CCAR1: variants seen among roughly 807,000 people sequenced by gnomAD.
CCAR1 encodes the protein cell division cycle and apoptosis regulator 1, also known as cell division cycle and apoptosis regulator protein 1.
A neutral mutation model predicts 163.8 loss-of-function variants in CCAR1; 78 were observed. That is an observed-to-expected ratio of 0.48 (90% CI 0.40 to 0.57). CCAR1 has a LOEUF of 0.57. Among genes scored for constraint, CCAR1 ranks in the 20% least tolerant of loss-of-function variants. CCAR1 has a pLI of 0.00. For synonymous variants in CCAR1, 443 were observed against 460.7 expected (o/e 0.96, Z 0.49); for missense variants, 1,019 against 1,365.2 (o/e 0.75, Z 4.00).
intron 10 of CCAR1, among the ~76,000 whole-genome samples, chr10:68,752,373 A>C (rs1305390152): frequency 2.0e-5 from 3 of 152,182 alleles, no homozygotes; most frequent in Non-Finnish European, 4.4e-5. Flanking sequence ...CTTCGTGCCC[A>C]TGAAATGATT....
rs369911832 is a variant in CCAR1 at position 68,755,563 on chromosome 10, G to T, written c.1625+27G>T. The T allele has an allele frequency of 5.5e-5, 88 of 1,586,770 alleles. No individual in the cohort carries two copies. The Admixed American group carries it at 5.7e-4, about 10-fold the overall frequency. ...TAAGTACTAATTCATTTCTTGATTA[G>T]AAGTGTTTTACTGATAGTTTATGTA... is the stretch of plus-strand genomic sequence containing the variant. On this transcript the variant is annotated intron_variant, in intron 13 of 24. Transcript: ENST00000265872.
intron 19 of CCAR1, among the ~76,000 whole-genome samples, chr10:68,773,463 G>A (rs1452720759): frequency 6.6e-6 from 1 of 152,076 alleles, no homozygotes; most frequent in Non-Finnish European, 1.5e-5. Flanking sequence ...AGAGTTCCAA[G>A]TCCAGCCTTG....
At chr10:68,786,089 G>T (rs1241799465) in intron 19 of CCAR1, 47 bp from the exon 20 acceptor site, 2 of 1,270,970 alleles carry the variant, frequency 1.6e-6, no homozygotes. Flanking sequence ...CCACTTGAAA[G>T]TATGTGTATT....
At chr10:68,757,909 T>A (rs2056415937) in intron 15 of CCAR1, among the ~76,000 whole-genome samples, 1 of 151,840 alleles carries the variant, frequency 6.6e-6, no homozygotes, top group African/African-American at 2.4e-5. Flanking sequence ...CCCGGCTAAT[T>A]GTTTTGTATT....
At position 68,756,251 on chromosome 10, in the gene CCAR1, C is replaced by T. The variant is rs1275062978; in HGVS notation, c.1626-22C>T. The T allele has an allele frequency of 1.3e-6, 2 of 1,589,218 alleles. No homozygotes were observed. Among genetic ancestry groups the T allele is most frequent in the East Asian group, 2.2e-5 (1 of 44,622 alleles). On this transcript the variant is annotated intron_variant, in intron 13 of 24. Coordinates refer to ENST00000265872, the MANE Select transcript of CCAR1 (RefSeq NM_018237.4). This position sits in a 1 kb window ranked among gnomAD's most constrained non-coding sequence, Gnocchi z 5.1. ...ATGTATTTTAGAATTTTTTTTCCAA[C>T]ATGCTTCTTCCCTTGCAACAGGTAC...
chr10:68,783,323 A>G (rs10998432), intron 19 of CCAR1, among the ~76,000 whole-genome samples: 12,091 of 151,738 alleles, frequency 0.08, 1,346 homozygotes, highest in African/African-American at 0.25. Context: ...CTGAGTAGCC[A>G]CCACCACGCC....
At chr10:68,781,915 T>G (rs2056741215) in intron 19 of CCAR1, among the ~76,000 whole-genome samples, 1 of 152,030 alleles carries the variant, frequency 6.6e-6, no homozygotes, top group Non-Finnish European at 1.5e-5. Flanking sequence ...AAGTGAAACC[T>G]AAAAATCGTT....
At position 68,761,077 on chromosome 10, in the gene CCAR1, C is replaced by A; in HGVS notation, c.1991C>A (p.Ala664Asp). 1 of 1,605,152 alleles carries A rather than the reference C, an allele frequency of 6.2e-7. No individual in the cohort carries two copies. Among genetic ancestry groups the A allele is most frequent in the Non-Finnish European group, 8.5e-7 (1 of 1,175,980 alleles). The stretch of plus-strand genomic sequence containing the variant: ...AAAGGATTAAAATCCCAGTTAATAG[C>A]CCGATTGACAAAACAGCTTAAAGTA... Reference protein sequence around the residue: ...SSKGLKSQLIARLTKQLKVEE... With the variant: ...SSKGLKSQLIDRLTKQLKVEE... Residue 664 changes from alanine (A) to aspartate (D), a missense_variant, in exon 16 of 25, where the codon GCC becomes GAC. Physicochemically the swap from Ala to Asp is moderately radical, Grantham distance 126. Transcript: ENST00000265872.
chr10:68,740,738 T>G, intron 5 of CCAR1, 77 bp downstream of exon 5: 1 of 1,171,092 alleles, frequency 8.5e-7, no homozygotes. Context: ...TTCTACTTTT[T>G]CTTTCAGGGT....
intron 10 of CCAR1, 142 bp downstream of exon 10, chr10:68,749,827 ATAACT>A (rs1328031037): frequency 1.3e-5 from 9 of 697,894 alleles, no homozygotes; most frequent in African/African-American, 3.5e-5. Context: ...GCAATTTGAA[ATAACT>A]TAATTATCTA....
chr10:68,785,184 T>C lies in CCAR1; in HGVS notation c.2651-952T>C, dbSNP rs150090965. Among the ~76,000 whole-genome samples, 395 of 152,006 alleles carry C rather than the reference T, an allele frequency of 2.6e-3. 2 individuals carry two copies. Among genetic ancestry groups the C allele is most frequent in the African/African-American group, 8.8e-3 (367 of 41,498 alleles). On this transcript the variant is annotated intron_variant, in intron 19 of 24. Transcript: ENST00000265872. ...CGCCCACCTCGGCCTCCCAAAGTGC[T>C]GGGATTACAGGCGTGAGGCACCGCA...
At chr10:68,731,591 G>GTTTTTTTTTTTT (rs67032408) in intron 2 of CCAR1, among the ~76,000 whole-genome samples, 15 of 75,622 alleles carry the variant, frequency 2.0e-4, no homozygotes, top group Non-Finnish European at 2.6e-4. Context: ...TCTTGTTTCT[G>GTTTTTTTTTTTT]TTTTTTTTTT....
At position 68,786,175 on chromosome 10, in the gene CCAR1, G is replaced by T. The variant is rs1353265254; in HGVS notation, c.2690G>T (p.Arg897Ile). 1.2e-6 allele frequency: 2 copies of T among 1,612,582 alleles called. No homozygotes were observed. Among genetic ancestry groups the T allele is most frequent in the Non-Finnish European group, 1.7e-6 (2 of 1,178,986 alleles). ...EEEMTKRDDK[R>I]DINRYCKERP... Reference sequence around the variant, plus strand: ...GAAATGACCAAACGAGATGACAAAAGAGATATCAACAGATACTGCAAGGAG... The same window carrying T: ...GAAATGACCAAACGAGATGACAAAATAGATATCAACAGATACTGCAAGGAG... The change falls in exon 20 of 25, where the codon AGA becomes ATA. Residue 897 changes from arginine (R) to isoleucine (I), a missense_variant. This residue lies in a region of CCAR1 where 358 missense variants were observed against 406.4 expected (regional missense o/e 0.88). Coordinates refer to ENST00000265872, the MANE Select transcript of CCAR1 (RefSeq NM_018237.4).
chr10:68,783,662 C>G (rs552732641), intron 19 of CCAR1, among the ~76,000 whole-genome samples: 81 of 152,152 alleles, frequency 5.3e-4, no homozygotes, highest in African/African-American at 1.8e-3. Flanking sequence ...GGAATAACTG[C>G]AGGTATGATA....
chr10:68,739,138 C>A (rs953791627), intron 4 of CCAR1, among the ~76,000 whole-genome samples: 2 of 152,130 alleles, frequency 1.3e-5, no homozygotes, highest in African/African-American at 4.8e-5. Flanking sequence ...AAGCATGTCC[C>A]TGGAAAGGAT....
At chr10:68,723,175 G>A (rs1032202383) in intron 2 of CCAR1, among the ~76,000 whole-genome samples, 1 of 150,714 alleles carries the variant, frequency 6.6e-6, no homozygotes, top group African/African-American at 2.4e-5. Flanking sequence ...AGGCTGGAGT[G>A]CAGTGACGCA....
At chr10:68,769,383 G>A (rs574328613) in intron 17 of CCAR1, among the ~76,000 whole-genome samples, 2 of 152,324 alleles carry the variant, frequency 1.3e-5, no homozygotes, top group South Asian at 4.1e-4. Flanking sequence ...CACTTCGGCA[G>A]TCTGAGGCAG....
chr10:68,739,689 G>T (rs956191465), intron 4 of CCAR1, among the ~76,000 whole-genome samples: 1 of 152,130 alleles, frequency 6.6e-6, no homozygotes, highest in Admixed American at 6.6e-5. Flanking sequence ...GTGCTCTTAT[G>T]AAATACATTT....
Position 68,742,504 on chromosome 10 carries a change from A to G in CCAR1, c.453A>G (p.Thr151=), listed in dbSNP as rs2133334782. The change falls in exon 6 of 25, where the codon ACA becomes ACG. Residue 151 remains threonine (T), a synonymous_variant. Transcript: ENST00000265872. The part of the protein sequence containing the change: ...QTQPQKQRVF[T]GVVTKLHDTF... Reference sequence around the variant, plus strand: ...AGCCTCAGAAGCAGCGTGTTTTCACAGGGGTGGTTACAAAACTACATGATA... The same window carrying G: ...AGCCTCAGAAGCAGCGTGTTTTCACGGGGGTGGTTACAAAACTACATGATA... The G allele has an allele frequency of 6.2e-7, 1 of 1,614,152 alleles. No individual in the cohort carries two copies. Among genetic ancestry groups the G allele is most frequent in the Non-Finnish European group, 8.5e-7 (1 of 1,179,992 alleles).
Sources: gnomAD v4.1 joint callset for allele counts (sites outside exome capture counted in the v4.1 genomes callset) on GRCh38, gnomAD v4.1.1 for gene constraint, gnomAD v4.1.1 regional missense constraint, Gnocchi (gnomAD v3.1) non-coding constraint, MANE v1.5 for transcripts, NCBI Gene and HGNC (gene_info 2026-07-23, HGNC 2026-07-21) for gene names.